Variants in SORCS3 observed in about 807,000 individuals in gnomAD.
The protein encoded by SORCS3 is sortilin related VPS10 domain containing receptor 3, also known as VPS10 domain-containing receptor SorCS3.
Under a neutral mutation model 146.3 loss-of-function variants are expected in SORCS3, and 57 were observed. The observed-to-expected ratio is 0.39, with a 90% CI of 0.31 to 0.49. The LOEUF (loss-of-function observed/expected upper bound fraction) is 0.49. SORCS3 is among the 20% of genes least tolerant of loss of function. The probability of loss-of-function intolerance (pLI) is 0.92; values close to 1 mark genes in which losing one functional copy is unlikely to be tolerated. For synonymous variants in SORCS3, 653 were observed against 618.5 expected, an observed-to-expected ratio of 1.06 and a Z score of -0.83; for missense variants, 1,341 against 1,575.5, an observed-to-expected ratio of 0.85 and a Z score of 2.52.
chr10:105,014,008 C>CACACAG (rs60946930), intron 4 of SORCS3, among the ~76,000 whole-genome samples: 1 of 147,678 alleles, frequency 6.8e-6, no homozygotes, highest in Non-Finnish European at 1.5e-5. Context: ...CACACACACA[C>CACACAG]AGGCATGGGA....
rs61228995 is a variant in SORCS3 at position 104,760,081 on chromosome 10, G to T, written c.628-82711G>T. Among the ~76,000 whole-genome samples, 206 of 152,198 alleles carry T rather than the reference G, an allele frequency of 1.4e-3. 2 individuals carry two copies. The highest frequency in any genetic ancestry group is 5.2e-4 in the Admixed American group (8 of 15,282). On this transcript the variant is annotated intron_variant, in intron 1 of 26. Transcript: ENST00000369701. ...AGATCTGCAAAAGAAAATCCCAGGT[G>T]GGGGAAGAGCAAAGTGCAAAGGCCC...
At chr10:105,249,425 C>T (rs2056886239) in intron 22 of SORCS3, among the ~76,000 whole-genome samples, 1 of 151,936 alleles carries the variant, frequency 6.6e-6, no homozygotes. Flanking sequence ...CTGGTGGTTC[C>T]CCAAGGCAGA....
intron 2 of SORCS3, among the ~76,000 whole-genome samples, chr10:104,895,596 G>A (rs189845729): frequency 6.6e-6 from 1 of 152,230 alleles, no homozygotes; most frequent in African/African-American, 2.4e-5. Context: ...CAGCATCTGT[G>A]TCTCAGGGAT....
intron 1 of SORCS3, among the ~76,000 whole-genome samples, chr10:104,835,725 T>C (rs1292252810): frequency 1.3e-5 from 2 of 152,160 alleles, no homozygotes; most frequent in African/African-American, 2.4e-5. Context: ...GGGTCTAGAA[T>C]GGATGAGCAT....
At chr10:105,038,847 C>T (rs1395987728) in intron 4 of SORCS3, among the ~76,000 whole-genome samples, 3 of 152,024 alleles carry the variant, frequency 2.0e-5, no homozygotes, top group Non-Finnish European at 2.9e-5. Context: ...AATGTTGACA[C>T]ATGTGTTTTA....
chr10:105,038,498 T>A (rs1419544943), intron 4 of SORCS3, among the ~76,000 whole-genome samples: 1 of 152,206 alleles, frequency 6.6e-6, no homozygotes, highest in Non-Finnish European at 1.5e-5. Context: ...TAAAAGGTAG[T>A]TTGAGAGATA....
At chr10:105,011,676 A>G (rs1001956163) in intron 4 of SORCS3, among the ~76,000 whole-genome samples, 12 of 152,186 alleles carry the variant, frequency 7.9e-5, no homozygotes, top group African/African-American at 2.9e-4. Context: ...AGTGGCCAAC[A>G]GTGGTGAGAA....
intron 1 of SORCS3, among the ~76,000 whole-genome samples, chr10:104,713,128 CGTGTGTGT>C (rs5787541): frequency 1.3e-5 from 2 of 150,052 alleles, no homozygotes; most frequent in African/African-American, 2.4e-5. Flanking sequence ...AGTGTGTGTG[CGTGTGTGT>C]GTGTGTGTGT....
At chr10:104,692,692 G>T (rs547358699) in intron 1 of SORCS3, among the ~76,000 whole-genome samples, 1 of 152,278 alleles carries the variant, frequency 6.6e-6, no homozygotes, top group Non-Finnish European at 1.5e-5. Flanking sequence ...AGAATTTGTT[G>T]ACCATTGAGT....
chr10:104,643,126 G>T (rs1214968379), intron 1 of SORCS3, among the ~76,000 whole-genome samples: 1 of 152,228 alleles, frequency 6.6e-6, no homozygotes, highest in African/African-American at 2.4e-5. Flanking sequence ...AGAACCTGGC[G>T]TTGGGTAGGG....
intron 4 of SORCS3, among the ~76,000 whole-genome samples, chr10:104,998,046 C>T (rs1267508301): frequency 1.3e-5 from 2 of 152,070 alleles, no homozygotes; most frequent in Non-Finnish European, 2.9e-5. Context: ...TGAAAGGAAC[C>T]TACCGGGTGT....
At chr10:104,672,055 T>C (rs2015862002) in intron 1 of SORCS3, among the ~76,000 whole-genome samples, 2 of 152,218 alleles carry the variant, frequency 1.3e-5, no homozygotes, top group African/African-American at 4.8e-5. Flanking sequence ...GGATTGGTGA[T>C]AGTTCTTTAA....
At chr10:105,014,592 T>C (rs1284733973) in intron 4 of SORCS3, among the ~76,000 whole-genome samples, 5 of 152,140 alleles carry the variant, frequency 3.3e-5, no homozygotes, top group Non-Finnish European at 7.4e-5. Context: ...AAGCAAAAGA[T>C]AGACAAGCCA....
At chr10:104,777,950 G>T (rs1220392812) in intron 1 of SORCS3, among the ~76,000 whole-genome samples, 1 of 152,152 alleles carries the variant, frequency 6.6e-6, no homozygotes, top group Non-Finnish European at 1.5e-5. Context: ...TGAAATGGTG[G>T]TTACCAGAGA....
At chr10:104,778,805 G>A (rs913933701) in intron 1 of SORCS3, among the ~76,000 whole-genome samples, 1 of 152,110 alleles carries the variant, frequency 6.6e-6, no homozygotes, top group African/African-American at 2.4e-5. Flanking sequence ...CACATCTCCA[G>A]GCATTACTGG....
intron 1 of SORCS3, among the ~76,000 whole-genome samples, chr10:104,693,039 C>T (rs966768170): frequency 6.6e-5 from 10 of 152,208 alleles, no homozygotes; most frequent in African/African-American, 2.2e-4. Flanking sequence ...ACCCCAGGGG[C>T]ATTCCTCATA....
chr10:104,646,035 T>A (rs1162245698), intron 1 of SORCS3, among the ~76,000 whole-genome samples: 1 of 152,188 alleles, frequency 6.6e-6, no homozygotes, highest in Non-Finnish European at 1.5e-5. Flanking sequence ...TGTTTTCAAT[T>A]AGTATTACAA....
chr10:104,834,272 A>G (rs2018040631), intron 1 of SORCS3, among the ~76,000 whole-genome samples: 1 of 151,858 alleles, frequency 6.6e-6, no homozygotes, highest in South Asian at 2.1e-4. Flanking sequence ...TTCCCATCTC[A>G]CTCGGAGTAA....
intron 4 of SORCS3, among the ~76,000 whole-genome samples, chr10:105,023,487 G>C (rs1449553034): frequency 6.6e-6 from 1 of 152,124 alleles, no homozygotes; most frequent in Non-Finnish European, 1.5e-5. Context: ...ACATCTCCTG[G>C]TCTTCCCATC....
Sources: allele counts gnomAD v4.1 joint callset (sites outside exome capture counted in the v4.1 genomes callset), GRCh38; gene constraint gnomAD v4.1.1; transcripts MANE v1.5; gene names NCBI Gene and HGNC (gene_info 2026-07-23, HGNC 2026-07-21).